Variants in OPCML observed in about 807,000 individuals in gnomAD.
The protein encoded by OPCML is opioid binding protein/cell adhesion molecule like, also known as opioid-binding protein/cell adhesion molecule.
In OPCML, 13 loss-of-function variants were observed where a neutral mutation model predicts 37.8. The observed-to-expected ratio is 0.34, with a 90% CI of 0.22 to 0.55. The LOEUF is 0.55. Among genes scored for constraint, OPCML ranks in the 20% least tolerant of loss-of-function variants. The pLI, the probability that OPCML is intolerant of heterozygous loss-of-function variation, is 0.91. For synonymous variants in OPCML, 176 were observed against 168.8 expected, an observed-to-expected ratio of 1.04 and a Z score of -0.33; for missense variants, 341 against 435.6, an observed-to-expected ratio of 0.78 and a Z score of 1.93.
intron 2 of OPCML, among the ~76,000 whole-genome samples, chr11:132,836,176 A>G (rs966246984): frequency 1.3e-5 from 2 of 152,218 alleles, no homozygotes; most frequent in African/African-American, 4.8e-5. Flanking sequence ...AGCTTACAGG[A>G]TTAGACACCT....
intron 1 of OPCML, among the ~76,000 whole-genome samples, chr11:133,432,861 A>G (rs1285555827): frequency 6.6e-6 from 1 of 152,190 alleles, no homozygotes; most frequent in Non-Finnish European, 1.5e-5. Flanking sequence ...AAATACTAAA[A>G]TTAAGTTGTT....
intron 1 of OPCML, among the ~76,000 whole-genome samples, chr11:133,197,617 G>A (rs1010161622): frequency 6.6e-6 from 1 of 152,140 alleles, no homozygotes; most frequent in African/African-American, 2.4e-5. Context: ...TCTTTAGGTT[G>A]GTCATGGAAC....
At chr11:132,839,236 G>A (rs554429233) in intron 2 of OPCML, among the ~76,000 whole-genome samples, 72 of 152,266 alleles carry the variant, frequency 4.7e-4, no homozygotes, top group African/African-American at 1.7e-3. Context: ...ATCTTGGAAC[G>A]GCCTTGGGAA....
At chr11:133,401,360 A>C (rs983334965) in intron 1 of OPCML, among the ~76,000 whole-genome samples, 2 of 152,136 alleles carry the variant, frequency 1.3e-5, no homozygotes, top group African/African-American at 4.8e-5. Context: ...GCTTTGTACA[A>C]TATTTTACAA....
At chr11:133,525,978 C>G (rs570471117) in intron 1 of OPCML, among the ~76,000 whole-genome samples, 20 of 152,338 alleles carry the variant, frequency 1.3e-4, no homozygotes, top group African/African-American at 4.8e-4. Flanking sequence ...TGCACTTACC[C>G]AGCACATTGC....
rs184041367 is a variant in OPCML, at chr11:133,243,013, G to A, written c.61+289251C>T. 6.6e-5 allele frequency among the ~76,000 whole-genome samples: 10 copies of A among 152,244 alleles called. No individual in the cohort carries two copies. In the East Asian group the frequency reaches 1.7e-3, roughly 26 times the overall value. On this transcript the variant is annotated intron_variant, in intron 1 of 7. Coordinates refer to ENST00000524381, the MANE Select transcript of OPCML (RefSeq NM_001012393.5). ...GGTCTCTGCTTTCTGTCTCTGTTTGGTCTTCTCTTTCCCTGGACTGTCTTT... is the reference window on the plus strand; with the variant it reads ...GGTCTCTGCTTTCTGTCTCTGTTTGATCTTCTCTTTCCCTGGACTGTCTTT...
At chr11:132,829,757 T>C (rs576632414) in intron 2 of OPCML, among the ~76,000 whole-genome samples, 2 of 152,328 alleles carry the variant, frequency 1.3e-5, no homozygotes, top group South Asian at 2.1e-4. Flanking sequence ...TTTCTGGTTA[T>C]AGTCAAAATC....
At chr11:132,869,822 A>T (rs1942725315) in intron 2 of OPCML, among the ~76,000 whole-genome samples, 1 of 152,186 alleles carries the variant, frequency 6.6e-6, no homozygotes, top group South Asian at 2.1e-4. Context: ...GATTCAGAAA[A>T]ATATTAGGCT....
intron 2 of OPCML, among the ~76,000 whole-genome samples, chr11:132,848,308 A>G (rs1336456479): frequency 6.6e-6 from 1 of 152,194 alleles, no homozygotes; most frequent in Non-Finnish European, 1.5e-5. Context: ...CACAATTTCT[A>G]CAATCCTAGA....
At chr11:132,686,928 G>A (rs910424494) in intron 2 of OPCML, among the ~76,000 whole-genome samples, 1 of 152,088 alleles carries the variant, frequency 6.6e-6, no homozygotes, top group South Asian at 2.1e-4. Context: ...TAAGCAGAAT[G>A]TCTGGCTGCT....
chr11:133,192,513 G>A (rs7121368), intron 1 of OPCML, among the ~76,000 whole-genome samples: 71,558 of 152,034 alleles, frequency 0.47, 17,811 homozygotes, highest in Middle Eastern at 0.61. Context: ...CTTTCTGAAG[G>A]TAAAACTTGC....
At chr11:133,170,305 T>A (rs1360312299) in intron 1 of OPCML, among the ~76,000 whole-genome samples, 1 of 152,056 alleles carries the variant, frequency 6.6e-6, no homozygotes, top group African/African-American at 2.4e-5. Context: ...TGAAACTCCA[T>A]CTCTAATAAA....
intron 1 of OPCML, among the ~76,000 whole-genome samples, chr11:133,270,553 T>C (rs1941799303): frequency 6.6e-6 from 1 of 152,164 alleles, no homozygotes; most frequent in Non-Finnish European, 1.5e-5. Flanking sequence ...AGATATCAAA[T>C]ACCTGTTTAT....
chr11:132,684,350 G>A (rs933756485), intron 2 of OPCML, among the ~76,000 whole-genome samples: 4 of 152,050 alleles, frequency 2.6e-5, no homozygotes, highest in South Asian at 2.1e-4. Flanking sequence ...CAGAAAGGTC[G>A]TGTGTCCCAG....
At chr11:133,229,720 C>T (rs1940194006) in intron 1 of OPCML, among the ~76,000 whole-genome samples, 1 of 152,166 alleles carries the variant, frequency 6.6e-6, no homozygotes, top group South Asian at 2.1e-4. Flanking sequence ...TTCAGGCATC[C>T]TCTGGGGGGC....
At chr11:132,541,201 G>T (rs563006991) in intron 3 of OPCML, among the ~76,000 whole-genome samples, 84 of 152,232 alleles carry the variant, frequency 5.5e-4, no homozygotes, top group African/African-American at 2.0e-3. Context: ...TCACAGGAAG[G>T]CCCCCTGAGT....
chr11:132,768,047 G>A (rs1009055090), intron 2 of OPCML, among the ~76,000 whole-genome samples: 1 of 152,204 alleles, frequency 6.6e-6, no homozygotes, highest in African/African-American at 2.4e-5. Context: ...CAAAGAGATG[G>A]TGTTGACCCA....
intron 1 of OPCML, among the ~76,000 whole-genome samples, chr11:133,090,826 A>T (rs993541676): frequency 6.6e-6 from 1 of 152,254 alleles, no homozygotes; most frequent in Non-Finnish European, 1.5e-5. Context: ...TGAAGAACAG[A>T]AAAGTGTGTT....
At chr11:133,254,973 G>A (rs926106411) in intron 1 of OPCML, among the ~76,000 whole-genome samples, 1 of 152,136 alleles carries the variant, frequency 6.6e-6, no homozygotes, top group Non-Finnish European at 1.5e-5. Flanking sequence ...CCAAATTAAC[G>A]CTCTACCTTG....
Sources: allele counts gnomAD v4.1 joint callset (sites outside exome capture counted in the v4.1 genomes callset), GRCh38; gene constraint gnomAD v4.1.1; transcripts MANE v1.5; gene names NCBI Gene and HGNC (gene_info 2026-07-23, HGNC 2026-07-21).